PEX5L: variants seen among roughly 807,000 people sequenced by gnomAD.
The protein encoded by PEX5L is peroxisomal biogenesis factor 5 like, also known as PEX5-related protein.
In PEX5L, 30 loss-of-function variants were observed where a neutral mutation model predicts 84.0. The ratio of observed to expected loss-of-function variants is 0.36; its 90% CI spans 0.27 to 0.48. The LOEUF is 0.48. Among genes scored for constraint, PEX5L ranks in the 20% least tolerant of loss-of-function variants. The pLI is 0.99. For synonymous variants in PEX5L, 270 were observed against 283.1 expected (o/e 0.95, Z 0.46); for missense variants, 533 against 754.6 (o/e 0.71, Z 3.44).
At chr3:179,912,671 T>C (rs1202812765) in intron 2 of PEX5L, among the ~76,000 whole-genome samples, 2 of 152,106 alleles carry the variant, frequency 1.3e-5, no homozygotes, top group African/African-American at 4.8e-5. Context: ...TTAGAATTGG[T>C]CGAATCTCCA....
intron 2 of PEX5L, among the ~76,000 whole-genome samples, chr3:179,965,800 C>T (rs1783186496): frequency 6.6e-6 from 1 of 151,996 alleles, no homozygotes; most frequent in African/African-American, 2.4e-5. Context: ...TGTTATTTTG[C>T]CCTCCAAATT....
In PEX5L at chr3:179,798,032, T is replaced by G. The variant is rs1411932020; in HGVS notation, c.*3796A>C. 2.0e-5 allele frequency: 3 copies of G among 152,224 alleles called. No homozygotes were observed. Among genetic ancestry groups the G allele is most frequent in the Non-Finnish European group, 4.4e-5 (3 of 68,026 alleles). The allele number at this position is 152,224 out of a possible 1,614,324, so 9.4% of individuals were successfully genotyped here. ...ATGATAAAGAGTTTGGAAGCTTTTA[T>G]TATAAAAGTGGGACTAGCTACAACT... On this transcript the variant is annotated 3_prime_UTR_variant, in exon 15 of 15. Coordinates refer to ENST00000467460, the MANE Select transcript of PEX5L (RefSeq NM_016559.3).
At chr3:180,033,529 A>G (rs1387414372) in intron 1 of PEX5L, among the ~76,000 whole-genome samples, 3 of 152,210 alleles carry the variant, frequency 2.0e-5, no homozygotes, top group Admixed American at 6.5e-5. Flanking sequence ...ACATTGAGAG[A>G]CATGTAATAA....
intron 2 of PEX5L, among the ~76,000 whole-genome samples, chr3:179,907,096 C>A (rs1329518377): frequency 6.6e-6 from 1 of 151,962 alleles, no homozygotes; most frequent in African/African-American, 2.4e-5. Flanking sequence ...GGGGTCAAGA[C>A]AATGAAAATG....
chr3:179,890,276 G>T (rs1757213488), intron 3 of PEX5L, among the ~76,000 whole-genome samples: 3 of 152,160 alleles, frequency 2.0e-5, no homozygotes. Context: ...ATTCACAGAG[G>T]ATGAAGGTTA....
intron 2 of PEX5L, among the ~76,000 whole-genome samples, chr3:179,917,763 G>A (rs761003377): frequency 1.3e-5 from 2 of 152,088 alleles, no homozygotes; most frequent in Non-Finnish European, 2.9e-5. Flanking sequence ...GGGTTCAAGC[G>A]ATTCTCCTGC....
intron 3 of PEX5L, chr3:179,895,455 T>C (rs1758951624): frequency 6.6e-6 from 1 of 152,148 alleles, no homozygotes; most frequent in Non-Finnish European, 1.5e-5. Context: ...TTACATACTA[T>C]TTGATTTAAG....
At chr3:179,894,655 TGA>T (rs1234863919) in intron 3 of PEX5L, among the ~76,000 whole-genome samples, 1 of 152,134 alleles carries the variant, frequency 6.6e-6, no homozygotes, top group Non-Finnish European at 1.5e-5. Flanking sequence ...CTAGCAGCCT[TGA>T]AAATATTCTT....
chr3:179,973,523 T>A, intron 1 of PEX5L: 1 of 960,016 alleles, frequency 1.0e-6, no homozygotes, highest in Non-Finnish European at 1.2e-6. Flanking sequence ...AATCTACCTA[T>A]TTTAAATTAT....
At chr3:180,034,163 G>C (rs890502036) in intron 1 of PEX5L, among the ~76,000 whole-genome samples, 1 of 152,140 alleles carries the variant, frequency 6.6e-6, no homozygotes, top group African/African-American at 2.4e-5. Flanking sequence ...AATTTACAAA[G>C]CACTTTATTT....
At chr3:180,015,925 A>C (rs1340825714) in intron 1 of PEX5L, among the ~76,000 whole-genome samples, 1 of 149,960 alleles carries the variant, frequency 6.7e-6, no homozygotes, top group Non-Finnish European at 1.5e-5. Flanking sequence ...ACAAAAGTGT[A>C]AAAGTAGGAT....
chr3:180,002,298 T>A (rs1041571053), intron 1 of PEX5L, among the ~76,000 whole-genome samples: 1 of 152,120 alleles, frequency 6.6e-6, no homozygotes, highest in African/African-American at 2.4e-5. Flanking sequence ...TATTTAAAAA[T>A]TGTTTTACGA....
chr3:179,801,636 T>C lies in PEX5L; in HGVS notation c.*192A>G, dbSNP rs1049665520. On this transcript the variant is annotated 3_prime_UTR_variant, in exon 15 of 15. Transcript: ENST00000467460. ...TCTTTTGAGCCTGACTTTGACTCTA[T>C]ATACAACATTTTGTGCTTTTGGATC... The C allele has an allele frequency of 2.4e-5, 14 of 586,040 alleles. No individual in the cohort carries two copies. Among genetic ancestry groups the C allele is most frequent in the Non-Finnish European group, 3.9e-5 (13 of 330,058 alleles). The allele number at this position is 586,040 out of a possible 1,614,324, so 36.3% of individuals were successfully genotyped here. A position where few individuals can be genotyped will look rare whatever the true frequency, so the allele number is the denominator to read the frequency against.
chr3:179,813,759 C>T (rs1724884657), intron 10 of PEX5L, among the ~76,000 whole-genome samples: 1 of 150,980 alleles, frequency 6.6e-6, no homozygotes, highest in South Asian at 2.1e-4. Flanking sequence ...TCACTGCAAG[C>T]TCCGCCTCCC....
chr3:179,928,514 A>G lies in PEX5L; in HGVS notation c.94-30268T>C, dbSNP rs569004207. On this transcript the variant is annotated intron_variant, in intron 2 of 14. Coordinates refer to ENST00000467460, the MANE Select transcript of PEX5L (RefSeq NM_016559.3). ...ACAATGTGTCGAGGGGCCTTTAAAA[A>G]CCATTTACAACAAATGGTGGGTAGG... is the stretch of plus-strand genomic sequence containing the variant. 1.7e-4 allele frequency among the ~76,000 whole-genome samples: 26 copies of G among 152,158 alleles called. 1 individual carries two copies. The South Asian group carries it at 5.4e-3, about 32-fold the overall frequency.
At chr3:179,973,642 T>C (rs959539957) in intron 1 of PEX5L, 5 of 985,330 alleles carry the variant, frequency 5.1e-6, no homozygotes, top group Non-Finnish European at 1.2e-6. Context: ...TGACAATCAC[T>C]GCTAACAGAT....
intron 3 of PEX5L, among the ~76,000 whole-genome samples, chr3:179,897,229 G>A (rs1759639619): frequency 6.6e-6 from 1 of 151,986 alleles, no homozygotes; most frequent in African/African-American, 2.4e-5. Context: ...CGAATTCTAG[G>A]CATGTTCATA....
At chr3:179,887,583 C>T (rs1756296662) in intron 4 of PEX5L, 90 bp downstream of exon 4, 5 of 819,830 alleles carry the variant, frequency 6.1e-6, no homozygotes, top group South Asian at 3.1e-5. Context: ...ACGTTCTTTC[C>T]TCACTTAAAA....
intron 2 of PEX5L, among the ~76,000 whole-genome samples, chr3:179,929,782 A>C (rs548683217): frequency 6.3e-4 from 96 of 152,132 alleles, no homozygotes; most frequent in Non-Finnish European, 1.1e-3. Flanking sequence ...CAAACCAATC[A>C]CATCTCCAGT....
Sources: allele counts gnomAD v4.1 joint callset (sites outside exome capture counted in the v4.1 genomes callset), GRCh38; gene constraint gnomAD v4.1.1; transcripts MANE v1.5; gene names NCBI Gene and HGNC (gene_info 2026-07-23, HGNC 2026-07-21).